LAMB2: variants seen among roughly 807,000 people sequenced by gnomAD.
The protein encoded by LAMB2 is laminin subunit beta-2.
Under a neutral mutation model 202.7 loss-of-function variants are expected in LAMB2, and 119 were observed. The ratio of observed to expected loss-of-function variants is 0.59; its 90% CI spans 0.51 to 0.68. The LOEUF (loss-of-function observed/expected upper bound fraction) is 0.68, where lower values mean the gene tolerates loss of function less well. Ranked by LOEUF, LAMB2 falls within the 30% of genes least tolerant of loss-of-function variation. LAMB2 has a pLI of 0.00. For missense variants in LAMB2, 2,124 were observed against 2,410.6 expected, an observed-to-expected ratio of 0.88 and a Z score of 2.49; for synonymous variants, 818 against 902.2, an observed-to-expected ratio of 0.91 and a Z score of 1.67.
Position 49,131,990 on chromosome 3 carries a change from G to T in LAMB2, c.459+126C>A. The T allele has an allele frequency of 1.0e-6, 1 of 984,722 alleles. No individual in the cohort carries two copies. Among genetic ancestry groups the T allele is most frequent in the Non-Finnish European group, 1.6e-6 (1 of 617,472 alleles). The allele number at this position is 984,722 out of a possible 1,614,324, so 61.0% of individuals were successfully genotyped here. ...AAAGGCCTGGAGGCAAATGGAAGGT[G>T]TGAAGGGATGAAGGAGCCTCCTGCA... On this transcript the variant is annotated intron_variant, in intron 4 of 31. Coordinates refer to ENST00000305544, the MANE Select transcript of LAMB2 (RefSeq NM_002292.4). The surrounding 1 kb of genome is among the most constrained non-coding windows in gnomAD (Gnocchi z 5.0).
In LAMB2 at chr3:49,129,176, C is replaced by A; in HGVS notation, c.1599-24G>T. 6.2e-7 allele frequency: 1 copy of A among 1,614,084 alleles called. No individual in the cohort carries two copies. The highest frequency in any genetic ancestry group is 8.5e-7 in the Non-Finnish European group (1 of 1,180,032). ...ACCTGGAGGGAACTCTGTGGTTACT[C>A]AAGAAGAACCTTCTCTTCTGCTCAG... On this transcript the variant is annotated intron_variant, in intron 12 of 31. Coordinates refer to ENST00000305544, the MANE Select transcript of LAMB2 (RefSeq NM_002292.4). This position sits in a 1 kb window ranked among gnomAD's most constrained non-coding sequence, Gnocchi z 6.1.
In LAMB2 at chr3:49,121,578, A is replaced by C. The variant is rs28612476; in HGVS notation, c.5115T>G (p.Pro1705=). Reference sequence around the variant, plus strand: ...TCACCGTCTGGTACTGATCACCCAGAGGACCGCGTAGCAGCTGCAGATGTA... The same window carrying C: ...TCACCGTCTGGTACTGATCACCCAGCGGACCGCGTAGCAGCTGCAGATGTA... ...AQEAEQLLRG[P]LGDQYQTVKA... Residue 1705 remains proline, a synonymous_variant, in exon 31 of 32, where the codon CCT becomes CCG. Transcript: ENST00000305544. The C allele has an allele frequency of 2.5e-6, 4 of 1,613,856 alleles. No individual in the cohort carries two copies. Among genetic ancestry groups the C allele is most frequent in the Admixed American group, 3.3e-5 (2 of 60,010 alleles).
At position 49,129,033 on chromosome 3, in the gene LAMB2, T is replaced by C; in HGVS notation, c.1718A>G (p.Asp573Gly). Residue 573 changes from aspartate to glycine, a missense_variant, in exon 13 of 32, where the codon GAC (aspartate) becomes GGC (glycine). Transcript: ENST00000305544. This position sits in a 1 kb window ranked among gnomAD's most constrained non-coding sequence, Gnocchi z 6.1. ...FLDHLIWEAEDTRGQVLDVVE... is the reference protein window; with the variant it reads ...FLDHLIWEAEGTRGQVLDVVE... ...GAGGCCCCACACCTGCCCTCGGGTG[T>C]CCTCAGCCTCCCAAATTAGGTGGTC... 6.2e-7 allele frequency: 1 copy of C among 1,610,314 alleles called. No individual in the cohort carries two copies. Among genetic ancestry groups the C allele is most frequent in the East Asian group, 2.2e-5 (1 of 44,878 alleles).
In LAMB2 at chr3:49,125,145, G is replaced by T; in HGVS notation, c.2745C>A (p.Asp915Glu). The T allele has an allele frequency of 6.2e-7, 1 of 1,613,578 alleles. No homozygotes were observed. The highest frequency in any genetic ancestry group is 8.5e-7 in the Non-Finnish European group (1 of 1,179,932). ...CERCIAGFHG[D>E]PRLPYGGQCR... ...ACTGGCCCCCATATGGCAGCCGTGG[G>T]TCCCCGTGGAAACCAGCAATGCACC... The change falls in exon 20 of 32, where the codon GAC becomes GAA. Residue 915 changes from aspartate to glutamate, a missense_variant. By Grantham distance (45) the Asp-to-Glu change is conservative. This residue lies in a region of LAMB2 where 1,702 missense variants were observed against 1,896.3 expected (regional missense o/e 0.90). Transcript: ENST00000305544.
In LAMB2 at chr3:49,132,845, C is replaced by G. The variant is rs746054310; in HGVS notation, c.23G>C (p.Arg8Thr). The G allele has an allele frequency of 1.9e-6, 3 of 1,614,178 alleles. No individual in the cohort carries two copies. The highest frequency in any genetic ancestry group is 3.3e-5 in the Admixed American group (2 of 60,032). The change falls in exon 1 of 32, where the codon AGA (arginine) becomes ACA (threonine). Residue 8 changes from arginine (R) to threonine (T), a missense_variant. Arg to Thr is a moderately conservative substitution (Grantham distance 71, BLOSUM62 -1). Around this residue, in one of 3 missense-constraint regions of LAMB2, gnomAD observed 166 missense variants for 158.2 expected, o/e 1.05. Transcript: ENST00000305544. This position sits in a 1 kb window ranked among gnomAD's most constrained non-coding sequence, Gnocchi z 4.6. MELTSRE[R>T]GRGQPLPWEL... ...CCAGGGCAGAGGCTGTCCCCTCCCT[C>G]TTTCCCTTGAGGTCAGCTCCATCCT...
chr3:49,125,594 C>T, intron 18 of LAMB2, 110 bp from the exon 19 acceptor site: 1 of 1,402,706 alleles, frequency 7.1e-7, no homozygotes, highest in South Asian at 1.3e-5. Flanking sequence ...GTGGGAAGGT[C>T]AGGAAATGGA....
Position 49,121,559 on chromosome 3 carries a change from T to C in LAMB2, c.5134A>G (p.Thr1712Ala). The C allele has an allele frequency of 6.2e-7, 1 of 1,614,012 alleles. No homozygotes were observed. The highest frequency in any genetic ancestry group is 8.5e-7 in the Non-Finnish European group (1 of 1,180,036). The change falls in exon 31 of 32, where the codon ACG becomes GCG. Residue 1712 changes from threonine (T) to alanine (A), a missense_variant. Thr to Ala is a moderately conservative substitution (Grantham distance 58, BLOSUM62 0). Coordinates refer to ENST00000305544, the MANE Select transcript of LAMB2 (RefSeq NM_002292.4). ...TTGCGCTCAGCTAGGGCCTTCACCG[T>C]CTGGTACTGATCACCCAGAGGACCG... ...LRGPLGDQYQ[T>A]VKALAERKAQ...
Position 49,129,985 on chromosome 3 carries a change from C to T in LAMB2, c.1259G>A (p.Gly420Asp). The stretch of plus-strand genomic sequence containing the variant: ...GTCATCATGGGAATCACAGCGACCA[C>T]CGTCTTGAGAACCCATGGGGTCACA... ...CDCDPMGSQD[G>D]GRCDSHDDPA... is the part of the protein sequence containing the mutation. The change falls in exon 10 of 32, where the codon GGT becomes GAT. Residue 420 changes from glycine to aspartate, a missense_variant. This residue lies in a region of LAMB2 where 1,702 missense variants were observed against 1,896.3 expected (regional missense o/e 0.90). Coordinates refer to ENST00000305544, the MANE Select transcript of LAMB2 (RefSeq NM_002292.4). This position sits in a 1 kb window ranked among gnomAD's most constrained non-coding sequence, Gnocchi z 6.1. The T allele has an allele frequency of 6.2e-7, 1 of 1,614,058 alleles. No individual in the cohort carries two copies. The highest frequency in any genetic ancestry group is 1.1e-5 in the South Asian group (1 of 91,084).
In LAMB2 at chr3:49,126,256, T is replaced by C. The variant is rs1018851327; in HGVS notation, c.2152-97A>G. 1.3e-4 allele frequency: 202 copies of C among 1,602,004 alleles called. 1 individual carries two copies. The highest frequency in any genetic ancestry group is 9.1e-5 in the Non-Finnish European group (107 of 1,172,326). ...AGCACTGCCACAAGCCTGCCCACCC[T>C]GGCACCACCATGGGCCTGCCTCTTC... On this transcript the variant is annotated intron_variant, in intron 16 of 31. Transcript: ENST00000305544.
intron 24 of LAMB2, 30 bp from the exon 25 acceptor site, chr3:49,123,661 G>C: frequency 3.1e-6 from 5 of 1,613,908 alleles, no homozygotes; most frequent in Non-Finnish European, 4.2e-6. Context: ...GGTGTTTAGA[G>C]AGGCTTCAGC....
In LAMB2 at chr3:49,130,890, A is replaced by G. The variant is rs200460970; in HGVS notation, c.916-30T>C. On this transcript the variant is annotated intron_variant, in intron 7 of 31. Transcript: ENST00000305544. The surrounding 1 kb of genome is among the most constrained non-coding windows in gnomAD (Gnocchi z 5.0). The stretch of plus-strand genomic sequence containing the variant: ...AGAGGTTGGCAGGTAGGTTGTCAGC[A>G]CTGCTCAGCCATGTCCGCCCCTGCC... 5.9e-5 allele frequency: 95 copies of G among 1,614,142 alleles called. 1 individual carries two copies. In the East Asian group the frequency reaches 1.2e-3, roughly 20 times the overall value.
chr3:49,122,345 A>G lies in LAMB2; in HGVS notation c.4599T>C (p.Ile1533=). The change falls in exon 28 of 32, where the codon ATT becomes ATC. Residue 1533 remains isoleucine, a synonymous_variant. Transcript: ENST00000305544. The part of the protein sequence containing the change: ...LNQEGADPDS[I]EMVATRVLEL... ...CTAGCACCCGTGTGGCCACCATTTCAATGCTATCAGGATCAGCCCCCTCCT... is the reference window on the plus strand; with the variant it reads ...CTAGCACCCGTGTGGCCACCATTTCGATGCTATCAGGATCAGCCCCCTCCT... 1 of 1,613,422 alleles carries G rather than the reference A, an allele frequency of 6.2e-7. No individual in the cohort carries two copies. Among genetic ancestry groups the G allele is most frequent in the Non-Finnish European group, 8.5e-7 (1 of 1,180,032 alleles).
rs138816491 is a variant in LAMB2 at position 49,121,764 on chromosome 3, G to T, written c.5020C>A (p.Arg1674=). 1 of 1,613,438 alleles carries T rather than the reference G, an allele frequency of 6.2e-7. No individual in the cohort carries two copies. Among genetic ancestry groups the T allele is most frequent in the Non-Finnish European group, 8.5e-7 (1 of 1,180,002 alleles). Residue 1674 remains arginine (R), a synonymous_variant, in exon 30 of 32, where the codon CGG becomes AGG. Transcript: ENST00000305544. ...DALLEALKLK[R]AGNSLAASTA... ...GAGGCTGCCAGACTATTTCCTGCCC[G>T]TTTCAATTTCAGAGCCTCCAGGAGA...
At position 49,131,832 on chromosome 3, in the gene LAMB2, T is replaced by G; in HGVS notation, c.460-109A>C. 1.7e-6 allele frequency: 2 copies of G among 1,189,196 alleles called. No individual in the cohort carries two copies. Among genetic ancestry groups the G allele is most frequent in the Non-Finnish European group, 2.4e-6 (2 of 828,024 alleles). The allele number at this position is 1,189,196 out of a possible 1,614,324, so 73.7% of individuals were successfully genotyped here. A position where few individuals can be genotyped will look rare whatever the true frequency, so the allele number is the denominator to read the frequency against. ...CTGCCCTCAAATAGCTCACAGAGAG[T>G]GGGGGTGACTGGTGGAAGCCAGATA... is the stretch of plus-strand genomic sequence containing the variant. On this transcript the variant is annotated intron_variant, in intron 4 of 31. Transcript: ENST00000305544. The surrounding 1 kb of genome is among the most constrained non-coding windows in gnomAD (Gnocchi z 5.0).
rs139821983 is a variant in LAMB2, at chr3:49,124,264, C to G, written c.3350G>C (p.Arg1117Pro). 4 of 1,613,880 alleles carry G rather than the reference C, an allele frequency of 2.5e-6. No individual in the cohort carries two copies. The highest frequency in any genetic ancestry group is 1.3e-5 in the African/African-American group (1 of 75,064). Residue 1117 changes from arginine (R) to proline (P), a missense_variant, in exon 23 of 32, where the codon CGT becomes CCT. By Grantham distance (103) the Arg-to-Pro change is moderately radical. Coordinates refer to ENST00000305544, the MANE Select transcript of LAMB2 (RefSeq NM_002292.4). Reference sequence around the variant, plus strand: ...ACAAGTCCGCCCTCCAAAGCCGGCACGGCAGTGGCACTGCCCTGTGAACTG... The same window carrying G: ...ACAAGTCCGCCCTCCAAAGCCGGCAGGGCAGTGGCACTGCCCTGTGAACTG... ...CNEFTGQCHC[R>P]AGFGGRTCSE...
chr3:49,125,621 C>G, intron 18 of LAMB2, 126 bp downstream of exon 18: 1 of 1,436,490 alleles, frequency 7.0e-7, no homozygotes, highest in South Asian at 1.3e-5. Flanking sequence ...CTACAACTGA[C>G]CCAGGTTGAG....
rs761329288 is a variant in LAMB2 at position 49,129,292 on chromosome 3, G to A, written c.1551C>T (p.Leu517=). ...PGHWGLSHDL[L]GCRPCDCDVG... ...CGTCGCAGTCACAGGGGCGGCAGCC[G>A]AGCAGGTCGTGGCTCAGGCCCCAGT... Residue 517 remains leucine, a synonymous_variant, in exon 12 of 32, where the codon CTC becomes CTT. Transcript: ENST00000305544. This position sits in a 1 kb window ranked among gnomAD's most constrained non-coding sequence, Gnocchi z 6.1. 3.0e-5 allele frequency: 48 copies of A among 1,613,344 alleles called. No homozygotes were observed. The highest frequency in any genetic ancestry group is 3.7e-5 in the Non-Finnish European group (44 of 1,179,804).
rs2045384304 is a variant in LAMB2 at position 49,124,180 on chromosome 3, G to A, written c.3424+10C>T. On this transcript the variant is annotated intron_variant, in intron 23 of 31. Coordinates refer to ENST00000305544, the MANE Select transcript of LAMB2 (RefSeq NM_002292.4). The stretch of plus-strand genomic sequence containing the variant: ...TCCTCCATCTACCCTGGCCCCGCTG[G>A]CTCCCTCACCATGGCACTGCAACCC... The A allele has an allele frequency of 1.2e-6, 2 of 1,614,138 alleles. No individual in the cohort carries two copies. The highest frequency in any genetic ancestry group is 1.7e-6 in the Non-Finnish European group (2 of 1,180,014).
At position 49,131,794 on chromosome 3, in the gene LAMB2, G is replaced by T; in HGVS notation, c.460-71C>A. 1 of 1,534,012 alleles carries T rather than the reference G, an allele frequency of 6.5e-7. No homozygotes were observed. Among genetic ancestry groups the T allele is most frequent in the Non-Finnish European group, 8.9e-7 (1 of 1,120,770 alleles). ...CCAACCCAGAGCCATCAAGAGCCCT[G>T]CTCAGCCCAAGACTGCCCTCAAATA... On this transcript the variant is annotated intron_variant, in intron 4 of 31. Transcript: ENST00000305544. The surrounding 1 kb of genome is among the most constrained non-coding windows in gnomAD (Gnocchi z 5.0).
Sources: allele counts gnomAD v4.1 joint callset, GRCh38; gene constraint gnomAD v4.1.1; regional missense constraint gnomAD v4.1.1; non-coding constraint Gnocchi (gnomAD v3.1); transcripts MANE v1.5; gene names NCBI Gene and HGNC (gene_info 2026-07-23, HGNC 2026-07-21).